Variants in IGSF3 observed in about 807,000 individuals in gnomAD.
The protein encoded by IGSF3 is immunoglobulin superfamily member 3.
A neutral mutation model predicts 114.4 loss-of-function variants in IGSF3; 23 were observed. The observed-to-expected ratio is 0.20, with a 90% confidence interval of 0.14 to 0.28. IGSF3 has a LOEUF of 0.28. IGSF3 is among the 10% of genes least tolerant of loss of function. The pLI is 1.00. For missense variants in IGSF3, 1,172 were observed against 1,591.5 expected (o/e 0.74, Z 4.48); for synonymous variants, 571 against 645.2 (o/e 0.88, Z 1.74).
rs1365062476 is a variant in IGSF3, at chr1:116,575,901, AAG to A, written c.*1409_*1410del. The A allele has an allele frequency of 6.6e-6, 1 of 152,194 alleles. No individual in the cohort carries two copies. The highest frequency in any genetic ancestry group is 1.5e-5 in the Non-Finnish European group (1 of 68,068). The allele number at this position is 152,194 out of a possible 1,614,324, so 9.4% of individuals were successfully genotyped here. On this transcript the variant is annotated 3_prime_UTR_variant, in exon 11 of 11. Coordinates refer to ENST00000369486, the MANE Select transcript of IGSF3 (RefSeq NM_001007237.3). The surrounding 1 kb of genome is among the most constrained non-coding windows in gnomAD (Gnocchi z 5.6). The stretch of plus-strand genomic sequence containing the variant: ...GAACAACCAAACAACCTAGAACCAC[AAG>A]AGAGATCAAGAAAGGGAAAGGAAAA...
At position 116,615,229 on chromosome 1, in the gene IGSF3, G is replaced by A. The variant is rs1344397105; in HGVS notation, c.421+851C>T. 2.7e-5 allele frequency among the ~76,000 whole-genome samples: 4 copies of A among 150,880 alleles called. No homozygotes were observed. In the South Asian group the frequency reaches 6.3e-4, roughly 24 times the overall value. Reference sequence around the variant, plus strand: ...GTGGAGGTTGCAGTGAGCCAAGATCGCACCATTGCACTCCAGCCTGGGCAA... The same window carrying A: ...GTGGAGGTTGCAGTGAGCCAAGATCACACCATTGCACTCCAGCCTGGGCAA... On this transcript the variant is annotated intron_variant, in intron 3 of 10. Coordinates refer to ENST00000369486, the MANE Select transcript of IGSF3 (RefSeq NM_001007237.3). This position sits in a 1 kb window ranked among gnomAD's most constrained non-coding sequence, Gnocchi z 4.3.
At chr1:116,609,820 G>C (rs1322457144) in intron 4 of IGSF3, among the ~76,000 whole-genome samples, 1 of 152,088 alleles carries the variant, frequency 6.6e-6, no homozygotes, top group African/African-American at 2.4e-5. Context: ...GAAAACATAA[G>C]AATCATGCAT....
In IGSF3 at chr1:116,650,046, C is replaced by T. The variant is rs1648565365; in HGVS notation, c.43+16238G>A. ...ACTCTTTCCTACCAACTTGCTTTCC[C>T]CTCTCCTTTCTGCCTTACCACAAAG... On this transcript the variant is annotated intron_variant, in intron 2 of 10. Transcript: ENST00000369486. This position sits in a 1 kb window ranked among gnomAD's most constrained non-coding sequence, Gnocchi z 5.0. Among the ~76,000 whole-genome samples, 1 of 152,178 alleles carries T rather than the reference C, an allele frequency of 6.6e-6. No individual in the cohort carries two copies. Among genetic ancestry groups the T allele is most frequent in the South Asian group, 2.1e-4 (1 of 4,828 alleles).
At position 116,629,306 on chromosome 1, in the gene IGSF3, T is replaced by C. The variant is rs1372763842; in HGVS notation, c.44-12849A>G. ...AAAGATAAACACCCACACACCTCTA[T>C]ATATGTGTGGAAAAAGGACTGGGCT... On this transcript the variant is annotated intron_variant, in intron 2 of 10. Transcript: ENST00000369486. The surrounding 1 kb of genome is among the most constrained non-coding windows in gnomAD (Gnocchi z 4.3). Among the ~76,000 whole-genome samples the C allele has an allele frequency of 6.6e-6, 1 of 152,180 alleles. No individual in the cohort carries two copies. Among genetic ancestry groups the C allele is most frequent in the Non-Finnish European group, 1.5e-5 (1 of 68,030 alleles).
rs370417866 is a variant in IGSF3 at position 116,614,830 on chromosome 1, G to A, written c.422-655C>T. Among the ~76,000 whole-genome samples the A allele has an allele frequency of 1.6e-4, 25 of 152,258 alleles. 1 individual carries two copies. The highest frequency in any genetic ancestry group is 7.4e-5 in the Non-Finnish European group (5 of 68,016). ...TCAGGCAAGAGAAGAGATTTTCTCC[G>A]TGATCCCTTGGTCAGAATCATACCC... On this transcript the variant is annotated intron_variant, in intron 3 of 10. Transcript: ENST00000369486. The surrounding 1 kb of genome is among the most constrained non-coding windows in gnomAD (Gnocchi z 4.5).
intron 2 of IGSF3, among the ~76,000 whole-genome samples, chr1:116,621,303 T>C (rs969862098): frequency 6.6e-6 from 1 of 152,120 alleles, no homozygotes; most frequent in Non-Finnish European, 1.5e-5. Flanking sequence ...TCTTTATAAA[T>C]TCTCCAGTCT....
rs1305078343 is a variant in IGSF3, at chr1:116,598,907, G to A, written c.2029+1034C>T. Among the ~76,000 whole-genome samples, 1 of 152,224 alleles carries A rather than the reference G, an allele frequency of 6.6e-6. No homozygotes were observed. The highest frequency in any genetic ancestry group is 2.4e-5 in the African/African-American group (1 of 41,470). ...GCTGAAGAGCCTGATGAAGGCGAGA[G>A]TGTTTGCAGAAAGCCCCACTGACTA... On this transcript the variant is annotated intron_variant, in intron 7 of 10. Transcript: ENST00000369486. The surrounding 1 kb of genome is among the most constrained non-coding windows in gnomAD (Gnocchi z 4.3).
intron 2 of IGSF3, among the ~76,000 whole-genome samples, chr1:116,617,604 G>A (rs537879240): frequency 2.6e-5 from 4 of 152,314 alleles, no homozygotes; most frequent in Admixed American, 1.3e-4. Context: ...CTTATTAACT[G>A]TGATCTTGGA....
chr1:116,639,154 T>G lies in IGSF3; in HGVS notation c.44-22697A>C, dbSNP rs1647967839. Among the ~76,000 whole-genome samples the G allele has an allele frequency of 2.0e-5, 3 of 152,030 alleles. No homozygotes were observed. The South Asian group carries it at 6.2e-4, about 32-fold the overall frequency. On this transcript the variant is annotated intron_variant, in intron 2 of 10. Coordinates refer to ENST00000369486, the MANE Select transcript of IGSF3 (RefSeq NM_001007237.3). ...AGGCACAGGCACTCATTCCCTTCCA[T>G]GTGAGAAGTCAGGGCACGTGCAAAG... is the stretch of plus-strand genomic sequence containing the variant.
In IGSF3 at chr1:116,661,040, T is replaced by C. The variant is rs1240904554; in HGVS notation, c.43+5244A>G. Among the ~76,000 whole-genome samples the C allele has an allele frequency of 2.0e-5, 3 of 152,080 alleles. No homozygotes were observed. Among genetic ancestry groups the C allele is most frequent in the Non-Finnish European group, 2.9e-5 (2 of 68,010 alleles). ...AGGTGTGGTAGCTCACGCCTGTAATTTCAGCATTTTGGGAGGCCAAGGCAG... is the reference window on the plus strand; with the variant it reads ...AGGTGTGGTAGCTCACGCCTGTAATCTCAGCATTTTGGGAGGCCAAGGCAG... On this transcript the variant is annotated intron_variant, in intron 2 of 10. Coordinates refer to ENST00000369486, the MANE Select transcript of IGSF3 (RefSeq NM_001007237.3). The surrounding 1 kb of genome is among the most constrained non-coding windows in gnomAD (Gnocchi z 4.0).
At chr1:116,646,623 T>C (rs988481372) in intron 2 of IGSF3, among the ~76,000 whole-genome samples, 20 of 152,022 alleles carry the variant, frequency 1.3e-4, no homozygotes, top group Admixed American at 5.2e-4. Flanking sequence ...TTGTCAGCGG[T>C]GAAATACAGA....
intron 2 of IGSF3, among the ~76,000 whole-genome samples, chr1:116,660,545 C>T (rs1479768651): frequency 5.9e-5 from 8 of 135,516 alleles, no homozygotes; most frequent in African/African-American, 2.0e-4. Flanking sequence ...AGTGCAGTGG[C>T]GCAATCTCAG....
Position 116,638,392 on chromosome 1 carries a change from T to C in IGSF3, c.44-21935A>G, listed in dbSNP as rs540948262. Among the ~76,000 whole-genome samples the C allele has an allele frequency of 1.3e-5, 2 of 152,358 alleles. No individual in the cohort carries two copies. Among genetic ancestry groups the C allele is most frequent in the East Asian group, 3.9e-4 (2 of 5,192 alleles). ...CTTGCCAGTCCACTCAGTAAACTACTGCCATACAGGTCTCCCACAGCAGTT... is the reference window on the plus strand; with the variant it reads ...CTTGCCAGTCCACTCAGTAAACTACCGCCATACAGGTCTCCCACAGCAGTT... On this transcript the variant is annotated intron_variant, in intron 2 of 10. Coordinates refer to ENST00000369486, the MANE Select transcript of IGSF3 (RefSeq NM_001007237.3). This position sits in a 1 kb window ranked among gnomAD's most constrained non-coding sequence, Gnocchi z 4.1.
intron 2 of IGSF3, among the ~76,000 whole-genome samples, chr1:116,656,647 A>T (rs1648865309): frequency 6.6e-6 from 1 of 152,108 alleles, no homozygotes. Context: ...AAATTAGGCC[A>T]GGCACAGTGG....
Position 116,579,109 on chromosome 1 carries a change from T to G in IGSF3, c.3334+283A>C, listed in dbSNP as rs1659476565. Among the ~76,000 whole-genome samples, 1 of 152,212 alleles carries G rather than the reference T, an allele frequency of 6.6e-6. No homozygotes were observed. The highest frequency in any genetic ancestry group is 2.1e-4 in the South Asian group (1 of 4,832). ...AAAGTAACACCTAACAATATACTAG[T>G]ATAATGAAATATTACTAAAATTGAA... is the stretch of plus-strand genomic sequence containing the variant. On this transcript the variant is annotated intron_variant, in intron 10 of 10. Coordinates refer to ENST00000369486, the MANE Select transcript of IGSF3 (RefSeq NM_001007237.3). This position sits in a 1 kb window ranked among gnomAD's most constrained non-coding sequence, Gnocchi z 6.4.
chr1:116,608,312 C>T lies in IGSF3; in HGVS notation c.852G>A (p.Arg284=). ...VQPTDKEFTV[R]LETEKRLHTV... The stretch of plus-strand genomic sequence containing the variant: ...TGTGCAGCCGCTTCTCTGTCTCCAG[C>T]CGAACAGTGAATTCTTTGTCTGAGA... The change falls in exon 5 of 11, where the codon CGG becomes CGA. Residue 284 remains arginine (R), a synonymous_variant. Transcript: ENST00000369486. 1 of 1,613,238 alleles carries T rather than the reference C, an allele frequency of 6.2e-7. No individual in the cohort carries two copies. The highest frequency in any genetic ancestry group is 2.2e-5 in the East Asian group (1 of 44,878).
Position 116,579,881 on chromosome 1 carries a change from G to A in IGSF3, c.2849-4C>T. 2 of 1,593,018 alleles carry A rather than the reference G, an allele frequency of 1.3e-6. No homozygotes were observed. Among genetic ancestry groups the A allele is most frequent in the Non-Finnish European group, 1.7e-6 (2 of 1,170,658 alleles). ...GTGTCCACCTGCAGGGAAGCATCTG[G>A]GGAATGACAAGGGACAAACAGGGAA... On this transcript the variant is annotated splice_polypyrimidine_tract_variant and splice_region_variant and intron_variant, in intron 9 of 10. Transcript: ENST00000369486. The surrounding 1 kb of genome is among the most constrained non-coding windows in gnomAD (Gnocchi z 6.4).
intron 2 of IGSF3, among the ~76,000 whole-genome samples, chr1:116,626,825 G>A (rs930416859): frequency 3.9e-5 from 6 of 152,086 alleles, no homozygotes; most frequent in Admixed American, 6.6e-5. Context: ...ACTCTCATGC[G>A]AAAGACAGCA....
rs1034399970 is a variant in IGSF3, at chr1:116,636,214, T to C, written c.44-19757A>G. Among the ~76,000 whole-genome samples the C allele has an allele frequency of 1.3e-5, 2 of 152,182 alleles. No individual in the cohort carries two copies. Among genetic ancestry groups the C allele is most frequent in the Non-Finnish European group, 2.9e-5 (2 of 68,030 alleles). ...AGAATTCCCCATACCGAGTCTACCA[T>C]TCCTTCCCTGATCAAAGTTGCTTTC... On this transcript the variant is annotated intron_variant, in intron 2 of 10. Transcript: ENST00000369486. The surrounding 1 kb of genome is among the most constrained non-coding windows in gnomAD (Gnocchi z 4.5).
Sources: allele counts gnomAD v4.1 joint callset (sites outside exome capture counted in the v4.1 genomes callset), GRCh38; gene constraint gnomAD v4.1.1; non-coding constraint Gnocchi (gnomAD v3.1); transcripts MANE v1.5; gene names NCBI Gene and HGNC (gene_info 2026-07-23, HGNC 2026-07-21).